The following PPP1R14C variants were observed in gnomAD, a reference collection of about 807,000 sequenced individuals.
PPP1R14C encodes protein phosphatase 1 regulatory subunit 14C.
PPP1R14C carries 16 observed loss-of-function variants against 20.4 expected under a neutral mutation model. The ratio of observed to expected loss-of-function variants is 0.78; its 90% CI spans 0.53 to 1.19. The LOEUF (loss-of-function observed/expected upper bound fraction) is 1.19, where lower values mean the gene tolerates loss of function less well. Among genes scored for constraint, PPP1R14C ranks in the 50% most tolerant of loss-of-function variants. The probability of loss-of-function intolerance (pLI) is 0.00; values close to 1 mark genes in which losing one functional copy is unlikely to be tolerated. For synonymous variants in PPP1R14C, 91 were observed against 91.0 expected (o/e 1.00, Z 0.00); for missense variants, 211 against 220.1 (o/e 0.96, Z 0.26).
chr6:150,169,052 A>G (rs1339109663), intron 1 of PPP1R14C, among the ~76,000 whole-genome samples: 1 of 152,058 alleles, frequency 6.6e-6, no homozygotes, highest in African/African-American at 2.4e-5. Flanking sequence ...AATTTTTTGT[A>G]CTTTAGTAGA....
intron 3 of PPP1R14C, among the ~76,000 whole-genome samples, chr6:150,224,484 G>A (rs764024902): frequency 1.1e-4 from 16 of 152,158 alleles, no homozygotes; most frequent in Non-Finnish European, 2.2e-4. Context: ...TATGAACATA[G>A]AATACCTCTC....
chr6:150,200,185 CACACACACAT>C (rs1777859003), intron 1 of PPP1R14C, among the ~76,000 whole-genome samples: 1 of 149,950 alleles, frequency 6.7e-6, no homozygotes, highest in Non-Finnish European at 1.5e-5. Context: ...TATATATATA[CACACACACAT>C]ACACACACAT....
At chr6:150,161,276 T>TA (rs58569771) in intron 1 of PPP1R14C, among the ~76,000 whole-genome samples, 124,231 of 148,712 alleles carry the variant, frequency 0.84, 52,052 homozygotes, top group East Asian at 0.91. Context: ...CAAGACTGTT[T>TA]AAAAAAAAAA....
At chr6:150,220,717 C>T (rs747884996) in intron 3 of PPP1R14C, among the ~76,000 whole-genome samples, 10 of 152,168 alleles carry the variant, frequency 6.6e-5, no homozygotes, top group Non-Finnish European at 1.2e-4. Flanking sequence ...TGCCTGGCTT[C>T]GCAGCCAACA....
chr6:150,170,823 G>A (rs6937909), intron 1 of PPP1R14C, among the ~76,000 whole-genome samples: 101,215 of 149,082 alleles, frequency 0.68, 34,726 homozygotes, highest in South Asian at 0.79. Context: ...TTTTGTTCCT[G>A]AGTATGATAG....
chr6:150,154,567 A>C (rs925088200), intron 1 of PPP1R14C, among the ~76,000 whole-genome samples: 1 of 152,228 alleles, frequency 6.6e-6, no homozygotes, highest in Non-Finnish European at 1.5e-5. Context: ...TGAAAGTGAG[A>C]TGTATCAAAG....
intron 1 of PPP1R14C, chr6:150,195,826 T>G: frequency 1.0e-6 from 1 of 985,020 alleles, no homozygotes; most frequent in African/African-American, 1.7e-5. Flanking sequence ...TCTTGATGGG[T>G]TTTAATATGC....
At chr6:150,213,381 A>AC in intron 1 of PPP1R14C, among the ~76,000 whole-genome samples, 3 of 147,142 alleles carry the variant, frequency 2.0e-5, no homozygotes, top group Admixed American at 6.7e-5. Flanking sequence ...ACACACACAC[A>AC]AGAGGTTGAG....
intron 3 of PPP1R14C, among the ~76,000 whole-genome samples, chr6:150,245,567 A>G (rs1344697003): frequency 6.6e-6 from 1 of 152,194 alleles, no homozygotes; most frequent in African/African-American, 2.4e-5. Context: ...TCTTCCCAAG[A>G]TGGCCCCTCT....
intron 3 of PPP1R14C, among the ~76,000 whole-genome samples, chr6:150,217,446 C>T (rs565031445): frequency 3.9e-5 from 6 of 152,210 alleles, no homozygotes; most frequent in Admixed American, 6.5e-5. Context: ...TCACCCGCCT[C>T]GGCCTCCCAA....
rs1441323404 is a variant in PPP1R14C, at chr6:150,185,386, C to T, written c.307-29358C>T. 6.6e-6 allele frequency among the ~76,000 whole-genome samples: 1 copy of T among 152,140 alleles called. No individual in the cohort carries two copies. The highest frequency in any genetic ancestry group is 1.5e-5 in the Non-Finnish European group (1 of 68,024). ...AATCTGCCCTTTACTCTTTGCCCTT[C>T]CCAGCTACCTCATCGATTTCCTGAC... On this transcript the variant is annotated intron_variant, in intron 1 of 3. Coordinates refer to ENST00000361131, the MANE Select transcript of PPP1R14C (RefSeq NM_030949.3). This position sits in a 1 kb window ranked among gnomAD's most constrained non-coding sequence, Gnocchi z 4.1.
At chr6:150,193,182 C>T (rs540273440) in intron 1 of PPP1R14C, among the ~76,000 whole-genome samples, 6 of 152,110 alleles carry the variant, frequency 3.9e-5, no homozygotes, top group Non-Finnish European at 7.4e-5. Context: ...TCCTGATTAT[C>T]CAAATCACCG....
At chr6:150,151,343 C>T (rs1431227907) in intron 1 of PPP1R14C, among the ~76,000 whole-genome samples, 6 of 152,114 alleles carry the variant, frequency 3.9e-5, no homozygotes, top group Non-Finnish European at 7.3e-5. Flanking sequence ...TGTCCCAGCC[C>T]AAGATTACGT....
chr6:150,187,625 CTCTT>C (rs1309907965), intron 1 of PPP1R14C, among the ~76,000 whole-genome samples: 1 of 152,140 alleles, frequency 6.6e-6, no homozygotes, highest in Non-Finnish European at 1.5e-5. Flanking sequence ...AGGACATGAT[CTCTT>C]TCTTTTTATG....
At chr6:150,213,517 G>T (rs758541106) in intron 1 of PPP1R14C, among the ~76,000 whole-genome samples, 35 of 152,178 alleles carry the variant, frequency 2.3e-4, no homozygotes, top group Non-Finnish European at 4.0e-4. Context: ...GGAATGCCCG[G>T]GTGTCCCCAG....
intron 3 of PPP1R14C, among the ~76,000 whole-genome samples, chr6:150,242,106 A>G (rs945728546): frequency 6.6e-6 from 1 of 151,426 alleles, no homozygotes; most frequent in Non-Finnish European, 1.5e-5. Flanking sequence ...CCCCTCAAAC[A>G]CACAACAAAA....
At position 150,158,085 on chromosome 6, in the gene PPP1R14C, T is replaced by G. The variant is rs578163610; in HGVS notation, c.306+14587T>G. Among the ~76,000 whole-genome samples the G allele has an allele frequency of 3.3e-5, 5 of 152,350 alleles. No individual in the cohort carries two copies. The East Asian group carries it at 9.6e-4, about 29-fold the overall frequency. ...TTAAGAGTGATTTCAGTCATCATAC[T>G]TGGCTAACTTTAATTTCCACTTTTA... On this transcript the variant is annotated intron_variant, in intron 1 of 3. Transcript: ENST00000361131.
chr6:150,229,986 T>C (rs1582929539), intron 3 of PPP1R14C, among the ~76,000 whole-genome samples: 1 of 152,118 alleles, frequency 6.6e-6, no homozygotes, highest in African/African-American at 2.4e-5. Flanking sequence ...AATCCCCGTG[T>C]CACACTGAGT....
At chr6:150,202,362 A>T (rs1042907278) in intron 1 of PPP1R14C, among the ~76,000 whole-genome samples, 1 of 152,150 alleles carries the variant, frequency 6.6e-6, no homozygotes, top group Non-Finnish European at 1.5e-5. Context: ...GATCAAGCCC[A>T]CACCTCCTTG....
Sources: gnomAD v4.1 joint callset for allele counts (sites outside exome capture counted in the v4.1 genomes callset) on GRCh38, gnomAD v4.1.1 for gene constraint, Gnocchi (gnomAD v3.1) non-coding constraint, MANE v1.5 for transcripts, NCBI Gene and HGNC (gene_info 2026-07-23, HGNC 2026-07-21) for gene names.